NBAS: variants seen among roughly 807,000 people sequenced by gnomAD.
The protein encoded by NBAS is NBAS subunit of NRZ tethering complex, also known as NAG/BC035112 fusion.
A neutral mutation model predicts 302.5 loss-of-function variants in NBAS; 219 were observed. The ratio of observed to expected loss-of-function variants is 0.72; its 90% confidence interval spans 0.65 to 0.81. The LOEUF (loss-of-function observed/expected upper bound fraction) is 0.81. Among genes scored for constraint, NBAS ranks in the 30% least tolerant of loss-of-function variants. The probability of loss-of-function intolerance (pLI) is 0.00; values close to 1 mark genes in which losing one functional copy is unlikely to be tolerated. For missense variants in NBAS, 2,932 were observed against 2,841.6 expected, an observed-to-expected ratio of 1.03 and a Z score of -0.72; for synonymous variants, 1,118 against 1,021.6, an observed-to-expected ratio of 1.09 and a Z score of -1.80.
the NBAS span, among the ~76,000 whole-genome samples, chr2:15,156,509 G>C: frequency 5.9e-5 from 9 of 152,194 alleles, no homozygotes; most frequent in Admixed American, 1.3e-4. Flanking sequence ...CGTCTGGTGA[G>C]GGCCTGTTCC....
the NBAS span, among the ~76,000 whole-genome samples, chr2:15,005,690 C>T: frequency 6.6e-6 from 1 of 152,356 alleles, no homozygotes; most frequent in East Asian, 1.9e-4. Flanking sequence ...TGGCTGCCTA[C>T]CTGCTAGAAT....
Position 15,417,700 on chromosome 2 carries a change from A to AT in NBAS, c.2589dup (p.Leu864IlefsTer20). On this transcript the variant is annotated frameshift_variant, in exon 24 of 52. Coordinates refer to ENST00000281513, the MANE Select transcript of NBAS (RefSeq NM_015909.4). LOFTEE classifies it high-confidence loss of function. ...TCCATCCCAAGTCGAATAAGTGACAATGCACAGTCCACCTAAAATTGAAAA... is the reference window on the plus strand; with the variant it reads ...TCCATCCCAAGTCGAATAAGTGACAATTGCACAGTCCACCTAAAATTGAAAA... 6.2e-7 allele frequency: 1 copy of AT among 1,613,930 alleles called. No homozygotes were observed. Among genetic ancestry groups the AT allele is most frequent in the Non-Finnish European group, 8.5e-7 (1 of 1,179,896 alleles).
chr2:15,294,852 C>T (rs1327042201), intron 40 of NBAS, among the ~76,000 whole-genome samples: 3 of 152,160 alleles, frequency 2.0e-5, no homozygotes, highest in Admixed American at 6.5e-5. Flanking sequence ...ATGAAGAAGG[C>T]TTTTCTTCAT....
At chr2:15,098,564 A>C in the NBAS span, among the ~76,000 whole-genome samples, 1 of 115,110 alleles carries the variant, frequency 8.7e-6, no homozygotes, top group Non-Finnish European at 1.7e-5. Flanking sequence ...TATATATTAT[A>C]TATTGTATAT....
chr2:14,987,451 C>G, the NBAS span, among the ~76,000 whole-genome samples: 1 of 149,526 alleles, frequency 6.7e-6, no homozygotes, highest in Non-Finnish European at 1.5e-5. Flanking sequence ...TTAATACTGA[C>G]AGGTATTTCT....
At chr2:15,409,078 A>C (rs907886942) in intron 25 of NBAS, among the ~76,000 whole-genome samples, 2 of 152,202 alleles carry the variant, frequency 1.3e-5, no homozygotes, top group African/African-American at 4.8e-5. Context: ...CTTAAATATC[A>C]AGGTTAATTT....
intron 25 of NBAS, among the ~76,000 whole-genome samples, chr2:15,411,989 AG>A (rs1225545792): frequency 6.6e-6 from 1 of 152,132 alleles, no homozygotes; most frequent in Non-Finnish European, 1.5e-5. Context: ...ATCCAAGCAA[AG>A]AACAATGGCT....
intron 9 of NBAS, among the ~76,000 whole-genome samples, chr2:15,522,663 A>C (rs1662728058): frequency 6.6e-6 from 1 of 152,250 alleles, no homozygotes; most frequent in Admixed American, 6.5e-5. Flanking sequence ...AGATTCCATT[A>C]AAACACCATG....
chr2:15,169,427 G>C (rs1382133114), intron 51 of NBAS, among the ~76,000 whole-genome samples: 1 of 152,098 alleles, frequency 6.6e-6, no homozygotes, highest in Non-Finnish European at 1.5e-5. Context: ...TTCTCTCCCT[G>C]TCTCTTCATG....
intron 21 of NBAS, among the ~76,000 whole-genome samples, chr2:15,440,229 C>A (rs1180319472): frequency 2.0e-5 from 3 of 152,236 alleles, no homozygotes; most frequent in Non-Finnish European, 4.4e-5. Flanking sequence ...GACCCCTGAC[C>A]CCCGAGCAGC....
the NBAS span, among the ~76,000 whole-genome samples, chr2:15,060,143 G>A: frequency 6.6e-6 from 1 of 152,106 alleles, no homozygotes; most frequent in African/African-American, 2.4e-5. Context: ...ATAAAAGGGG[G>A]ATAATTGAAC....
chr2:15,382,752 T>C (rs928743248), intron 29 of NBAS, among the ~76,000 whole-genome samples: 2 of 152,180 alleles, frequency 1.3e-5, no homozygotes, highest in Non-Finnish European at 2.9e-5. Context: ...ATTATTGATA[T>C]GGAACAACAA....
chr2:15,317,827 G>A (rs1268662316), intron 38 of NBAS, among the ~76,000 whole-genome samples: 1 of 152,234 alleles, frequency 6.6e-6, no homozygotes, highest in Admixed American at 6.5e-5. Flanking sequence ...ACACACTTCA[G>A]GATATGATCC....
the NBAS span, among the ~76,000 whole-genome samples, chr2:14,837,539 G>A: frequency 6.6e-6 from 1 of 151,378 alleles, no homozygotes; most frequent in Admixed American, 6.6e-5. Flanking sequence ...GGAGCCACTT[G>A]AGCCTGAAGT....
chr2:14,809,610 A>G, the NBAS span, among the ~76,000 whole-genome samples: 1 of 152,226 alleles, frequency 6.6e-6, no homozygotes. Context: ...CAGGGCCCTA[A>G]TGCAGAACCT....
At chr2:15,311,246 GT>G (rs199998561) in intron 38 of NBAS, among the ~76,000 whole-genome samples, 51 of 152,298 alleles carry the variant, frequency 3.3e-4, no homozygotes, top group Admixed American at 2.5e-3. Flanking sequence ...TGTCAGTTTA[GT>G]TCAGGTTTTG....
the NBAS span, among the ~76,000 whole-genome samples, chr2:15,101,889 A>G: frequency 6.6e-6 from 1 of 152,244 alleles, no homozygotes; most frequent in Non-Finnish European, 1.5e-5. Flanking sequence ...GCATTTCCCC[A>G]CTTTCTGAAG....
intron 51 of NBAS, among the ~76,000 whole-genome samples, chr2:15,173,122 T>C (rs530314431): frequency 2.6e-4 from 40 of 152,328 alleles, no homozygotes; most frequent in African/African-American, 8.9e-4. Context: ...GTAAAATGCT[T>C]GCTATCTCTG....
the NBAS span, among the ~76,000 whole-genome samples, chr2:14,959,933 C>T: frequency 6.6e-6 from 1 of 152,200 alleles, no homozygotes; most frequent in East Asian, 1.9e-4. Flanking sequence ...GTTCCAAAAA[C>T]TACTTTTTCA....
Sources: gnomAD v4.1 joint callset for allele counts (sites outside exome capture counted in the v4.1 genomes callset) on GRCh38, gnomAD v4.1.1 for gene constraint, MANE v1.5 for transcripts, NCBI Gene and HGNC (gene_info 2026-07-23, HGNC 2026-07-21) for gene names.